Variants in RELL1 observed in about 807,000 individuals in gnomAD.
RELL1 encodes the protein RELT like 1.
RELL1 carries 10 observed loss-of-function variants against 23.0 expected under a neutral mutation model. That is an observed-to-expected ratio of 0.43 (90% confidence interval 0.27 to 0.74). RELL1 has a LOEUF of 0.74. Ranked by LOEUF, RELL1 falls within the 30% of genes least tolerant of loss-of-function variation. The pLI is 0.19. For synonymous variants in RELL1, 146 were observed against 146.8 expected, an observed-to-expected ratio of 0.99 and a Z score of 0.04; for missense variants, 315 against 364.4, an observed-to-expected ratio of 0.86 and a Z score of 1.10.
intron 1 of RELL1, among the ~76,000 whole-genome samples, chr4:37,681,454 A>G (rs1337594262): frequency 6.7e-6 from 1 of 150,290 alleles, no homozygotes; most frequent in Non-Finnish European, 1.5e-5. Flanking sequence ...CACAATGCCC[A>G]TTTTACAGGT....
downstream of RELL1, chr4:37,590,143 A>C (rs768759361): frequency 3.7e-6 from 6 of 1,614,092 alleles, no homozygotes; most frequent in Middle Eastern, 1.6e-4. Flanking sequence ...TGAAGTCAAC[A>C]GCTGCAAGCT....
At chr4:37,670,862 G>A (rs189483762) in intron 1 of RELL1, among the ~76,000 whole-genome samples, 11 of 152,200 alleles carry the variant, frequency 7.2e-5, no homozygotes, top group South Asian at 6.2e-4. Context: ...ATGAGCCACC[G>A]CACCCGGCCG....
At chr4:37,637,989 A>G (rs1237465122) in intron 4 of RELL1, among the ~76,000 whole-genome samples, 1 of 152,174 alleles carries the variant, frequency 6.6e-6, no homozygotes, top group Non-Finnish European at 1.5e-5. Context: ...TAGATGATGG[A>G]ACTCAGGGTG....
At chr4:37,646,070 G>A (rs1268302684) in intron 3 of RELL1, among the ~76,000 whole-genome samples, 1 of 152,162 alleles carries the variant, frequency 6.6e-6, no homozygotes, top group South Asian at 2.1e-4. Flanking sequence ...ATCAGTCCAC[G>A]AGCCCATGCT....
chr4:37,605,720 C>T (rs374967339), downstream of RELL1, among the ~76,000 whole-genome samples: 9 of 140,874 alleles, frequency 6.4e-5, 1 homozygote, highest in East Asian at 2.1e-4. Flanking sequence ...CTGGCCTGGG[C>T]GACAGAGTGA....
intron 6 of RELL1, among the ~76,000 whole-genome samples, chr4:37,619,981 TTA>T (rs1491327630): frequency 6.6e-6 from 1 of 152,222 alleles, no homozygotes; most frequent in African/African-American, 2.4e-5. Flanking sequence ...TGGGCATTTT[TTA>T]TGTTTATTGA....
chr4:37,680,086 G>A (rs1169923864), intron 1 of RELL1, among the ~76,000 whole-genome samples: 1 of 152,170 alleles, frequency 6.6e-6, no homozygotes, highest in African/African-American at 2.4e-5. Context: ...TTACACACTT[G>A]CAAATGGCTC....
chr4:37,649,337 T>C lies in RELL1; in HGVS notation c.252A>G (p.Lys84=). ...CTGCTTCTGTTGTACAACGATAGCC[T>C]TTCTTCTTAAGCAGGTGGCAAATGA... The part of the protein sequence containing the change: ...GVLICHLLKK[K]GYRCTTEAEQ... Residue 84 remains lysine, a synonymous_variant, in exon 2 of 7, where the codon AAA becomes AAG. Coordinates refer to ENST00000454158, the MANE Select transcript of RELL1 (RefSeq NM_001085400.2). 6.2e-7 allele frequency: 1 copy of C among 1,614,246 alleles called. No individual in the cohort carries two copies. The highest frequency in any genetic ancestry group is 8.5e-7 in the Non-Finnish European group (1 of 1,180,038).
chr4:37,612,636 C>CAAAAAAAA lies in RELL1; in HGVS notation c.*702_*709dup, dbSNP rs978165271. Among the ~76,000 whole-genome samples, 1 of 60,142 alleles carries CAAAAAAAA rather than the reference C, an allele frequency of 1.7e-5. No homozygotes were observed. Among genetic ancestry groups the CAAAAAAAA allele is most frequent in the African/African-American group, 5.6e-5 (1 of 17,960 alleles). The allele number at this position is 60,142 out of a possible 152,430, so 39.5% of individuals were successfully genotyped here. ...TAGGGGACACAGCGAGACTCTGCCTCAAAAAAAAAAAAAAAAAAACCTTCT... is the reference window on the plus strand; with the variant it reads ...TAGGGGACACAGCGAGACTCTGCCTCAAAAAAAAAAAAAAAAAAAAAAAAAAACCTTCT... On this transcript the variant is annotated 3_prime_UTR_variant, in exon 7 of 7. Coordinates refer to ENST00000454158, the MANE Select transcript of RELL1 (RefSeq NM_001085400.2).
At chr4:37,617,591 T>C (rs536786469) in intron 6 of RELL1, among the ~76,000 whole-genome samples, 108 of 152,318 alleles carry the variant, frequency 7.1e-4, no homozygotes, top group African/African-American at 2.6e-3. Context: ...GAGACCAGCC[T>C]GGCCAACATG....
downstream of RELL1, among the ~76,000 whole-genome samples, chr4:37,587,925 C>T (rs550063389): frequency 7.0e-3 from 1,071 of 152,004 alleles, 4 homozygotes; most frequent in Non-Finnish European, 0.011. Context: ...GCCGAGATTG[C>T]GCCACTGCAC....
Position 37,631,380 on chromosome 4 carries a change from C to G in RELL1, c.*3+5G>C. The G allele has an allele frequency of 6.2e-7, 1 of 1,611,558 alleles. No homozygotes were observed. Among genetic ancestry groups the G allele is most frequent in the Non-Finnish European group, 8.5e-7 (1 of 1,178,810 alleles). ...GCCCCCAATGTCACCAAAACCACGGCTCACCTGCTACTCTGTGCCACTGCG... is the reference window on the plus strand; with the variant it reads ...GCCCCCAATGTCACCAAAACCACGGGTCACCTGCTACTCTGTGCCACTGCG... On this transcript the variant is annotated splice_donor_5th_base_variant and intron_variant, in intron 6 of 6. Coordinates refer to ENST00000454158, the MANE Select transcript of RELL1 (RefSeq NM_001085400.2).
At chr4:37,614,321 A>G (rs1171249245) in intron 6 of RELL1, among the ~76,000 whole-genome samples, 1 of 152,188 alleles carries the variant, frequency 6.6e-6, no homozygotes, top group South Asian at 2.1e-4. Context: ...TATATTCAAT[A>G]TAATATTCAA....
rs192297068 is a variant in RELL1, at chr4:37,649,367, G to A, written c.222C>T (p.Gly74=). The A allele has an allele frequency of 6.8e-6, 11 of 1,614,168 alleles. No individual in the cohort carries two copies. Among genetic ancestry groups the A allele is most frequent in the East Asian group, 4.5e-5 (2 of 44,892 alleles). ...VPVFFIMGLF[G]VLICHLLKKK... Reference sequence around the variant, plus strand: ...TCTTAAGCAGGTGGCAAATGAGGACGCCAAAGAGACCCATGATAAAGAACA... The same window carrying A: ...TCTTAAGCAGGTGGCAAATGAGGACACCAAAGAGACCCATGATAAAGAACA... Residue 74 remains glycine (G), a synonymous_variant, in exon 2 of 7, where the codon GGC becomes GGT. Transcript: ENST00000454158.
chr4:37,679,473 C>T lies in RELL1; in HGVS notation c.88+6727G>A, dbSNP rs141858497. Among the ~76,000 whole-genome samples the T allele has an allele frequency of 2.4e-3, 362 of 152,200 alleles. 2 individuals are homozygous for T. Among genetic ancestry groups the T allele is most frequent in the African/African-American group, 7.9e-3 (330 of 41,526 alleles). On this transcript the variant is annotated intron_variant, in intron 1 of 6. Coordinates refer to ENST00000454158, the MANE Select transcript of RELL1 (RefSeq NM_001085400.2). ...GACACAAATAAATGAGTCACAGAAGCGAAAATGCAGGACCATAATCCCTTA... is the reference window on the plus strand; with the variant it reads ...GACACAAATAAATGAGTCACAGAAGTGAAAATGCAGGACCATAATCCCTTA...
At chr4:37,631,817 C>T (rs1370782235) in intron 5 of RELL1, among the ~76,000 whole-genome samples, 2 of 152,082 alleles carry the variant, frequency 1.3e-5, no homozygotes, top group African/African-American at 4.8e-5. Context: ...TGGCTTATAC[C>T]TGCAATCCCA....
At chr4:37,653,440 G>GAAACCTC (rs1257190087) in intron 1 of RELL1, among the ~76,000 whole-genome samples, 5 of 151,244 alleles carry the variant, frequency 3.3e-5, no homozygotes, top group Admixed American at 6.6e-5. Flanking sequence ...TACAAGTATT[G>GAAACCTC]AATACTCAAT....
intron 6 of RELL1, among the ~76,000 whole-genome samples, chr4:37,594,244 G>A (rs1054443532): frequency 2.6e-5 from 4 of 152,172 alleles, no homozygotes; most frequent in Non-Finnish European, 4.4e-5. Flanking sequence ...TATCTACCAG[G>A]TTGTCTAACA....
chr4:37,655,770 T>C (rs1721095651), intron 1 of RELL1, among the ~76,000 whole-genome samples: 1 of 152,224 alleles, frequency 6.6e-6, no homozygotes, highest in South Asian at 2.1e-4. Context: ...ATTGAGCAAC[T>C]GGATCTGCTC....
Sources: gnomAD v4.1 joint callset for allele counts (sites outside exome capture counted in the v4.1 genomes callset) on GRCh38, gnomAD v4.1.1 for gene constraint, MANE v1.5 for transcripts, NCBI Gene and HGNC (gene_info 2026-07-23, HGNC 2026-07-21) for gene names.